CNTN6: variants seen among roughly 807,000 people sequenced by gnomAD.
The protein encoded by CNTN6 is contactin 6.
In CNTN6, 137 loss-of-function variants were observed where a neutral mutation model predicts 122.8. The observed-to-expected ratio is 1.12, with a 90% CI of 0.97 to 1.29. The LOEUF is 1.29. Ranked by LOEUF, CNTN6 falls within the 50% of genes most tolerant of loss-of-function variation. CNTN6 has a pLI of 0.00. For synonymous variants in CNTN6, 570 were observed against 426.0 expected (o/e 1.34, Z -4.16); for missense variants, 1,634 against 1,223.4 (o/e 1.34, Z -5.01).
intron 19 of CNTN6, among the ~76,000 whole-genome samples, chr3:1,383,755 C>A (rs1281546033): frequency 6.6e-6 from 1 of 152,114 alleles, no homozygotes; most frequent in Non-Finnish European, 1.5e-5. Context: ...GTGCTAAGAG[C>A]AGCAGCTTGG....
chr3:1,129,973 A>G (rs1176338230), intron 1 of CNTN6, among the ~76,000 whole-genome samples: 1 of 152,058 alleles, frequency 6.6e-6, no homozygotes, highest in Non-Finnish European at 1.5e-5. Flanking sequence ...GTAAATCTAG[A>G]TATATTTTTA....
intron 1 of CNTN6, among the ~76,000 whole-genome samples, chr3:1,104,170 GA>G (rs200066509): frequency 8.6e-5 from 13 of 151,994 alleles, no homozygotes; most frequent in African/African-American, 3.1e-4. Flanking sequence ...CTACCAGGTG[GA>G]AAGGGGGGCT....
At chr3:1,271,186 C>T (rs2095020461) in intron 4 of CNTN6, among the ~76,000 whole-genome samples, 1 of 152,202 alleles carries the variant, frequency 6.6e-6, no homozygotes, top group Non-Finnish European at 1.5e-5. Flanking sequence ...TCTAGAAACA[C>T]AGCATCTGGA....
chr3:1,170,093 C>T (rs900415521), intron 2 of CNTN6, among the ~76,000 whole-genome samples: 5 of 151,690 alleles, frequency 3.3e-5, no homozygotes, highest in African/African-American at 9.7e-5. Context: ...AAAAATTAGC[C>T]GGATGTGGTG....
intron 7 of CNTN6, among the ~76,000 whole-genome samples, chr3:1,315,928 G>C (rs759351808): frequency 2.9e-4 from 44 of 151,738 alleles, no homozygotes; most frequent in Non-Finnish European, 2.7e-4. Context: ...GTGTATAAAT[G>C]ATTCGTAAAT....
At chr3:1,384,626 T>G (rs2126187359) in intron 19 of CNTN6, among the ~76,000 whole-genome samples, 1 of 150,956 alleles carries the variant, frequency 6.6e-6, no homozygotes, top group South Asian at 2.1e-4. Flanking sequence ...TAACTTTGGA[T>G]TTAGAATAAA....
At chr3:1,342,692 A>G (rs1403486769) in intron 11 of CNTN6, among the ~76,000 whole-genome samples, 3 of 152,162 alleles carry the variant, frequency 2.0e-5, no homozygotes, top group African/African-American at 7.2e-5. Flanking sequence ...TGTGAATCAG[A>G]TGAATATTTA....
intron 2 of CNTN6, among the ~76,000 whole-genome samples, chr3:1,164,676 G>T (rs570178442): frequency 2.0e-5 from 3 of 152,318 alleles, no homozygotes. Context: ...AGAAGCCTAT[G>T]CAACTTGGCA....
chr3:1,342,617 CTAT>C (rs1333820549), intron 11 of CNTN6, among the ~76,000 whole-genome samples: 1 of 152,000 alleles, frequency 6.6e-6, no homozygotes, highest in East Asian at 1.9e-4. Context: ...CAAAGGAACA[CTAT>C]TATTTGCCTG....
intron 5 of CNTN6, among the ~76,000 whole-genome samples, chr3:1,279,486 T>C (rs1176681875): frequency 6.6e-6 from 1 of 152,172 alleles, no homozygotes; most frequent in Non-Finnish European, 1.5e-5. Flanking sequence ...ATAAGAGATA[T>C]ATGAGTATAA....
chr3:1,103,727 G>A (rs1249159002), intron 1 of CNTN6, among the ~76,000 whole-genome samples: 1 of 152,166 alleles, frequency 6.6e-6, no homozygotes, highest in South Asian at 2.1e-4. Flanking sequence ...TACCATTAGG[G>A]GGCTCCTTTT....
At chr3:1,254,199 C>A (rs2094716736) in intron 4 of CNTN6, among the ~76,000 whole-genome samples, 1 of 152,038 alleles carries the variant, frequency 6.6e-6, no homozygotes, top group Non-Finnish European at 1.5e-5. Context: ...TTCTTTCCCT[C>A]CCTTCCCAGA....
intron 2 of CNTN6, among the ~76,000 whole-genome samples, chr3:1,216,431 T>A (rs1354035160): frequency 6.6e-6 from 1 of 152,238 alleles, no homozygotes; most frequent in East Asian, 1.9e-4. Context: ...TTTGTCAGGA[T>A]ATGTTCCTTT....
chr3:1,235,917 G>A (rs2094415602), intron 4 of CNTN6, among the ~76,000 whole-genome samples: 1 of 152,036 alleles, frequency 6.6e-6, no homozygotes, highest in Admixed American at 6.6e-5. Flanking sequence ...CGCTGTGTGG[G>A]GGTGGGGTGA....
At chr3:1,282,588 T>C (rs1481030401) in intron 5 of CNTN6, among the ~76,000 whole-genome samples, 1 of 152,208 alleles carries the variant, frequency 6.6e-6, no homozygotes, top group African/African-American at 2.4e-5. Flanking sequence ...TTCCAAAAAA[T>C]CTTATCTGTA....
At chr3:1,250,269 A>G (rs1181943840) in intron 4 of CNTN6, among the ~76,000 whole-genome samples, 1 of 152,198 alleles carries the variant, frequency 6.6e-6, no homozygotes, top group Non-Finnish European at 1.5e-5. Context: ...CTTCAAACAC[A>G]ACACTGGCAT....
intron 4 of CNTN6, among the ~76,000 whole-genome samples, chr3:1,252,965 T>C (rs983235742): frequency 2.0e-5 from 3 of 152,184 alleles, no homozygotes; most frequent in Admixed American, 1.3e-4. Context: ...GCATGAACAA[T>C]GTCGGGAAGT....
At chr3:1,103,192 C>G (rs2091041656) in intron 1 of CNTN6, among the ~76,000 whole-genome samples, 1 of 152,148 alleles carries the variant, frequency 6.6e-6, no homozygotes, top group Admixed American at 6.5e-5. Flanking sequence ...ATAGAACACA[C>G]TTGTTTAAAG....
intron 1 of CNTN6, among the ~76,000 whole-genome samples, chr3:1,099,531 T>C (rs1170591795): frequency 1.3e-5 from 2 of 152,212 alleles, no homozygotes; most frequent in Non-Finnish European, 2.9e-5. Context: ...TTCTTATTAT[T>C]CATTCCCTTA....
Sources: gnomAD v4.1 joint callset for allele counts (sites outside exome capture counted in the v4.1 genomes callset) on GRCh38, gnomAD v4.1.1 for gene constraint, MANE v1.5 for transcripts, NCBI Gene and HGNC (gene_info 2026-07-23, HGNC 2026-07-21) for gene names.